Variants in DUSP22 observed in about 807,000 individuals in gnomAD.
DUSP22 encodes the protein dual specificity protein phosphatase 22.
In DUSP22, 24 loss-of-function variants were observed where a neutral mutation model predicts 24.5. The ratio of observed to expected loss-of-function variants is 0.98; its 90% CI spans 0.71 to 1.38. The LOEUF is 1.38. DUSP22 is among the 40% of genes most tolerant of loss of function. The pLI is 0.00. For missense variants in DUSP22, 330 were observed against 269.2 expected, an observed-to-expected ratio of 1.23 and a Z score of -1.58; for synonymous variants, 160 against 106.4, an observed-to-expected ratio of 1.50 and a Z score of -3.10.
rs1427911994 is a variant in DUSP22 at position 350,264 on chromosome 6, T to A, written c.*1313T>A. ...AGTAATGCTTTCTGGTGGGTAAAAT[T>A]CCACATTCAGGCCACGAGAGCATCT... On this transcript the variant is annotated 3_prime_UTR_variant, in exon 7 of 7. Coordinates refer to ENST00000419235, the MANE Select transcript of DUSP22 (RefSeq NM_001286555.3). The A allele has an allele frequency of 8.1e-6, 8 of 988,992 alleles. No homozygotes were observed. Among genetic ancestry groups the A allele is most frequent in the Non-Finnish European group, 9.6e-6 (8 of 832,536 alleles). The allele number at this position is 988,992 out of a possible 1,614,324, so 61.3% of individuals were successfully genotyped here. A position where few individuals can be genotyped will look rare whatever the true frequency, so the allele number is the denominator to read the frequency against.
intron 4 of DUSP22, among the ~76,000 whole-genome samples, chr6:339,333 G>A (rs1279099523): frequency 6.6e-6 from 1 of 152,304 alleles, no homozygotes; most frequent in Admixed American, 6.5e-5. Flanking sequence ...GTTTTTTATA[G>A]TATTAGGTGA....
At chr6:347,998 G>A in intron 5 of DUSP22, 105 bp from the exon 6 acceptor site, 3 of 1,515,650 alleles carry the variant, frequency 2.0e-6, no homozygotes, top group East Asian at 2.3e-5. Context: ...AAGGCAGGAA[G>A]ACTTTCTGAA....
intron 3 of DUSP22, among the ~76,000 whole-genome samples, chr6:324,668 T>G (rs1758768912): frequency 1.3e-5 from 2 of 152,310 alleles, no homozygotes; most frequent in Non-Finnish European, 2.9e-5. Context: ...CTGCTCTGGG[T>G]CAGTGTTTGC....
chr6:333,733 CT>C (rs1561672754), intron 3 of DUSP22, among the ~76,000 whole-genome samples: 1 of 152,308 alleles, frequency 6.6e-6, no homozygotes, highest in Non-Finnish European at 1.5e-5. Flanking sequence ...CAGCCCACCC[CT>C]GCCCCACCTG....
chr6:292,688 GGGGCGGCGCGCCT>G (rs1236902914), intron 1 of DUSP22, 128 bp downstream of exon 1: 10 of 1,329,314 alleles, frequency 7.5e-6, no homozygotes, highest in Admixed American at 3.7e-5. Context: ...CGCGGAGGGA[GGGGCGGCGCGCCT>G]GGGCGGCGAC....
At chr6:309,232 A>G (rs1757957265) in intron 2 of DUSP22, among the ~76,000 whole-genome samples, 1 of 152,308 alleles carries the variant, frequency 6.6e-6, no homozygotes, top group South Asian at 2.1e-4. Context: ...CTATTTATTT[A>G]GCTCAAGGGG....
intron 2 of DUSP22, among the ~76,000 whole-genome samples, chr6:305,637 T>A (rs1757785839): frequency 6.6e-6 from 1 of 152,308 alleles, no homozygotes; most frequent in African/African-American, 2.4e-5. Context: ...ACTGGGCTTG[T>A]CGGCTTCCAG....
At chr6:323,861 G>A (rs948179613) in intron 3 of DUSP22, among the ~76,000 whole-genome samples, 13 of 152,302 alleles carry the variant, frequency 8.5e-5, no homozygotes, top group Admixed American at 2.0e-4. Context: ...GAAATACCTT[G>A]TTCCAGGAGA....
chr6:348,754 T>G lies in DUSP22; in HGVS notation c.436-15T>G, dbSNP rs766961531. ...CATGTGTGTGACGTTTCGGGTTTGT[T>G]TCCATCCTCTCCAGTATCGGCAGTG... On this transcript the variant is annotated splice_polypyrimidine_tract_variant and intron_variant, in intron 6 of 6. Transcript: ENST00000419235. 6.2e-7 allele frequency: 1 copy of G among 1,614,188 alleles called. No individual in the cohort carries two copies. The highest frequency in any genetic ancestry group is 8.5e-7 in the Non-Finnish European group (1 of 1,179,988).
intron 4 of DUSP22, among the ~76,000 whole-genome samples, chr6:343,099 G>A (rs561964752): frequency 1.4e-4 from 21 of 152,418 alleles, no homozygotes; most frequent in Admixed American, 4.6e-4. Flanking sequence ...AGTGTCCTTC[G>A]GCACTGATAC....
chr6:298,371 A>G (rs1757434502), intron 1 of DUSP22, among the ~76,000 whole-genome samples: 1 of 152,310 alleles, frequency 6.6e-6, no homozygotes, highest in African/African-American at 2.4e-5. Flanking sequence ...CATAGAAAGA[A>G]TTAAGATTCC....
Position 349,732 on chromosome 6 carries a change from G to C in DUSP22, c.*781G>C. 1 of 986,158 alleles carries C rather than the reference G, an allele frequency of 1.0e-6. No individual in the cohort carries two copies. Among genetic ancestry groups the C allele is most frequent in the Non-Finnish European group, 1.2e-6 (1 of 830,424 alleles). 61.1% of individuals were successfully genotyped at this position (986,158 alleles called of 1,614,324 possible). ...CCTCCATCTCAATGTGAATGCACCA[G>C]GCTGAGGGTTCCCTAGCGCCTTGAG... On this transcript the variant is annotated 3_prime_UTR_variant, in exon 7 of 7. Coordinates refer to ENST00000419235, the MANE Select transcript of DUSP22 (RefSeq NM_001286555.3).
chr6:350,778 ATGT>A lies in DUSP22; in HGVS notation c.*1832_*1834del, dbSNP rs760060073. ...TCAGTGTATTCTTGGAGTTCTTGAA[ATGT>A]TGTTTTAATATTTGTTGCCAGTAAT... On this transcript the variant is annotated 3_prime_UTR_variant, in exon 7 of 7. Coordinates refer to ENST00000419235, the MANE Select transcript of DUSP22 (RefSeq NM_001286555.3). 7.7e-5 allele frequency: 124 copies of A among 1,614,020 alleles called. No homozygotes were observed. The highest frequency in any genetic ancestry group is 1.0e-4 in the Non-Finnish European group (123 of 1,179,954).
chr6:348,442 T>A (rs1759994757), intron 6 of DUSP22, 168 bp downstream of exon 6: 1 of 1,166,426 alleles, frequency 8.6e-7, no homozygotes, highest in African/African-American at 1.5e-5. Context: ...TCACGATCCC[T>A]CGTGCACCTG....
At chr6:293,990 G>T (rs565902731) in intron 1 of DUSP22, among the ~76,000 whole-genome samples, 78 of 152,364 alleles carry the variant, frequency 5.1e-4, no homozygotes, top group Non-Finnish European at 9.7e-4. Flanking sequence ...CTTCCCATTG[G>T]TGGTGGTATC....
intron 1 of DUSP22, among the ~76,000 whole-genome samples, chr6:301,666 G>A (rs996732232): frequency 7.2e-5 from 11 of 152,404 alleles, no homozygotes; most frequent in South Asian, 6.2e-4. Context: ...TCTAATTCCC[G>A]GGAGGAGGGG....
intron 3 of DUSP22, among the ~76,000 whole-genome samples, chr6:321,341 G>T (rs1758579524): frequency 6.6e-6 from 1 of 152,306 alleles, no homozygotes; most frequent in Non-Finnish European, 1.5e-5. Flanking sequence ...TCATCTTGCA[G>T]TAAGCAGAGA....
intron 3 of DUSP22, among the ~76,000 whole-genome samples, chr6:316,892 A>G (rs1646284803): frequency 6.6e-6 from 1 of 152,308 alleles, no homozygotes; most frequent in African/African-American, 2.4e-5. Context: ...TCATTTATGA[A>G]GACCAGGGTA....
At chr6:296,473 A>G in intron 1 of DUSP22, among the ~76,000 whole-genome samples, 1 of 152,422 alleles carries the variant, frequency 6.6e-6, no homozygotes, top group Non-Finnish European at 1.5e-5. Flanking sequence ...CTGCTAAGAT[A>G]TTAGTCTAGT....
Sources: gnomAD v4.1 joint callset for allele counts (sites outside exome capture counted in the v4.1 genomes callset) on GRCh38, gnomAD v4.1.1 for gene constraint, MANE v1.5 for transcripts, NCBI Gene and HGNC (gene_info 2026-07-23, HGNC 2026-07-21) for gene names.